The following LIMCH1 variants were observed in gnomAD, a reference collection of about 807,000 sequenced individuals.
The protein encoded by LIMCH1 is LIM and calponin homology domains-containing protein 1.
A neutral mutation model predicts 176.5 loss-of-function variants in LIMCH1; 113 were observed. The observed-to-expected ratio is 0.64, with a 90% CI of 0.55 to 0.75. The LOEUF (loss-of-function observed/expected upper bound fraction) is 0.75. Ranked by LOEUF, LIMCH1 falls within the 30% of genes least tolerant of loss-of-function variation. The pLI, the probability that LIMCH1 is intolerant of heterozygous loss-of-function variation, is 0.00. For missense variants in LIMCH1, 1,674 were observed against 1,814.9 expected (o/e 0.92, Z 1.41); for synonymous variants, 619 against 645.9 (o/e 0.96, Z 0.63).
chr4:41,671,884 CAAAAA>C (rs34994833), intron 22 of LIMCH1, among the ~76,000 whole-genome samples: 2 of 52,378 alleles, frequency 3.8e-5, no homozygotes, highest in Non-Finnish European at 7.3e-5. Flanking sequence ...GACTTCGTCT[CAAAAA>C]AAAAAAAAAA....
Position 41,646,198 on chromosome 4 carries a change from A to G in LIMCH1, c.2329A>G (p.Met777Val), listed in dbSNP as rs1285027464. Reference sequence around the variant, plus strand: ...CAAGAAAGAGGAAGAAAGGAAAAAAATGGAGAAGTTACTGGCTGGAGAAGA... The same window carrying G: ...CAAGAAAGAGGAAGAAAGGAAAAAAGTGGAGAAGTTACTGGCTGGAGAAGA... ...LIKKEEERKKMEKLLAGEDGT... is the reference protein window; with the variant it reads ...LIKKEEERKKVEKLLAGEDGT... Residue 777 changes from methionine (M) to valine (V), a missense_variant, in exon 16 of 32, where the codon ATG (methionine) becomes GTG (valine). Met to Val is a conservative substitution (Grantham distance 21). Transcript: ENST00000503057. The G allele has an allele frequency of 6.2e-7, 1 of 1,614,184 alleles. No homozygotes were observed. The highest frequency in any genetic ancestry group is 1.3e-5 in the African/African-American group (1 of 75,068).
chr4:41,361,641 A>G (rs1308180309), intron 1 of LIMCH1, among the ~76,000 whole-genome samples: 1 of 152,040 alleles, frequency 6.6e-6, no homozygotes, highest in African/African-American at 2.4e-5. Flanking sequence ...GGCATATTTC[A>G]CTTCTTAAAT....
intron 12 of LIMCH1, 135 bp downstream of exon 12, chr4:41,633,220 G>A: frequency 1.5e-6 from 1 of 674,226 alleles, no homozygotes; most frequent in Non-Finnish European, 2.5e-6. Context: ...GTCACTAAAA[G>A]AGTGTGCTCA....
chr4:41,639,003 A>G (rs1562032697), intron 14 of LIMCH1, 36 bp downstream of exon 14: 6 of 1,472,960 alleles, frequency 4.1e-6, no homozygotes, highest in Non-Finnish European at 5.5e-6. Flanking sequence ...TACATTAATT[A>G]CTAGCCTAAA....
rs1448654219 is a variant in LIMCH1 at position 41,679,952 on chromosome 4, C to T, written c.3520-54C>T. 7 of 1,220,340 alleles carry T rather than the reference C, an allele frequency of 5.7e-6. No homozygotes were observed. The East Asian group carries it at 1.7e-4, about 30-fold the overall frequency. The allele number at this position is 1,220,340 out of a possible 1,614,324, so 75.6% of individuals were successfully genotyped here. On this transcript the variant is annotated intron_variant, in intron 23 of 31. Coordinates refer to ENST00000503057, the MANE Select transcript of LIMCH1 (RefSeq NM_001330672.2). ...CATGGTGGTTTAGGGGGGAAAATTC[C>T]CGATGACGTATGCAATGGTCAGTTG...
intron 14 of LIMCH1, among the ~76,000 whole-genome samples, chr4:41,642,074 A>G (rs1417174886): frequency 6.6e-6 from 1 of 152,198 alleles, no homozygotes; most frequent in Non-Finnish European, 1.5e-5. Flanking sequence ...TTGGGGTCCC[A>G]GAAGAAAACC....
intron 1 of LIMCH1, among the ~76,000 whole-genome samples, chr4:41,394,335 T>A (rs1178968149): frequency 6.6e-6 from 1 of 152,184 alleles, no homozygotes; most frequent in African/African-American, 2.4e-5. Flanking sequence ...ACCCTTCCAA[T>A]GAAAAGGACT....
At chr4:41,646,386 TC>T in intron 16 of LIMCH1, 98 bp from the exon 17 acceptor site, 1 of 1,506,930 alleles carries the variant, frequency 6.6e-7, no homozygotes, top group Non-Finnish European at 9.0e-7. Context: ...CATTTTATAT[TC>T]CCTGTACTAT....
At chr4:41,607,118 A>G (rs1474350204) in intron 4 of LIMCH1, among the ~76,000 whole-genome samples, 1 of 152,198 alleles carries the variant, frequency 6.6e-6, no homozygotes, top group Non-Finnish European at 1.5e-5. Flanking sequence ...ATTTTGGATA[A>G]AGTCCACATT....
chr4:41,693,546 A>G (rs1420047616), intron 31 of LIMCH1, among the ~76,000 whole-genome samples: 2 of 150,282 alleles, frequency 1.3e-5, no homozygotes, highest in South Asian at 4.2e-4. Flanking sequence ...TTTTTATACT[A>G]TGTATTTTAT....
At chr4:41,593,849 C>T (rs1284918178) in intron 1 of LIMCH1, among the ~76,000 whole-genome samples, 1 of 152,102 alleles carries the variant, frequency 6.6e-6, no homozygotes, top group African/African-American at 2.4e-5. Context: ...GTTGACTGTC[C>T]CTTGATCTAG....
intron 1 of LIMCH1, among the ~76,000 whole-genome samples, chr4:41,558,323 A>C (rs567799974): frequency 7.2e-5 from 11 of 152,276 alleles, no homozygotes; most frequent in African/African-American, 2.6e-4. Flanking sequence ...TCTTATGGGA[A>C]TTTCACCAAA....
upstream of LIMCH1, among the ~76,000 whole-genome samples, chr4:41,536,767 A>G (rs2077996254): frequency 1.3e-5 from 2 of 152,200 alleles, no homozygotes; most frequent in African/African-American, 4.8e-5. Context: ...AGAAACAAGG[A>G]AAGTCCAGAA....
At chr4:41,404,024 G>A (rs2058718921) in intron 1 of LIMCH1, among the ~76,000 whole-genome samples, 1 of 152,248 alleles carries the variant, frequency 6.6e-6, no homozygotes, top group Non-Finnish European at 1.5e-5. Flanking sequence ...GGAAATGGGA[G>A]TGGGTTTTAT....
In LIMCH1 at chr4:41,635,288, C is replaced by T. The variant is rs181403339; in HGVS notation, c.2090+1480C>T. On this transcript the variant is annotated intron_variant, in intron 13 of 31. Coordinates refer to ENST00000503057, the MANE Select transcript of LIMCH1 (RefSeq NM_001330672.2). ...TTGCTTTGTTGCCCAGACTGGAGTG[C>T]AGGGCCCGATCTCAGCTCACTGAAA... Among the ~76,000 whole-genome samples, 334 of 151,462 alleles carry T rather than the reference C, an allele frequency of 2.2e-3. 1 individual carries two copies. Among genetic ancestry groups the T allele is most frequent in the African/African-American group, 7.8e-3 (323 of 41,226 alleles).
chr4:41,410,319 C>G (rs1161560905), intron 1 of LIMCH1, among the ~76,000 whole-genome samples: 1 of 152,178 alleles, frequency 6.6e-6, no homozygotes, highest in Non-Finnish European at 1.5e-5. Context: ...ATATTGGATT[C>G]TGCTCATTTC....
intron 1 of LIMCH1, among the ~76,000 whole-genome samples, chr4:41,465,954 C>CT (rs34784602): frequency 0.02 from 2,173 of 108,222 alleles, 40 homozygotes; most frequent in African/African-American, 0.034. Context: ...CTGTTTGGCT[C>CT]TTTTTTTTTT....
intron 1 of LIMCH1, among the ~76,000 whole-genome samples, chr4:41,392,788 T>C (rs2057384382): frequency 6.6e-6 from 1 of 151,986 alleles, no homozygotes; most frequent in South Asian, 2.1e-4. Flanking sequence ...TCCCAGCCTG[T>C]GGGAGGCCGA....
Position 41,460,472 on chromosome 4 carries a change from A to G in LIMCH1, c.97-34064A>G, listed in dbSNP as rs976557252. Among the ~76,000 whole-genome samples the G allele has an allele frequency of 6.3e-5, 9 of 142,866 alleles. No homozygotes were observed. In the South Asian group the frequency reaches 8.9e-4, roughly 14 times the overall value. 93.7% of individuals were successfully genotyped at this position (142,866 alleles called of 152,430 possible). ...ATAGTAATCATCTATATATATATAT[A>G]TATATATCTTATAATATCATGTTAT... is the stretch of plus-strand genomic sequence containing the variant. On this transcript the variant is annotated intron_variant, in intron 1 of 26. Coordinates refer to the LIMCH1 transcript ENST00000313860.
Sources: allele counts gnomAD v4.1 joint callset (sites outside exome capture counted in the v4.1 genomes callset), GRCh38; gene constraint gnomAD v4.1.1; transcripts MANE v1.5; gene names NCBI Gene and HGNC (gene_info 2026-07-23, HGNC 2026-07-21).